The following MS4A1 variants were observed in gnomAD, a reference collection of about 807,000 sequenced individuals.
The protein encoded by MS4A1 is membrane spanning 4-domains A1.
A neutral mutation model predicts 26.5 loss-of-function variants in MS4A1; 16 were observed. The observed-to-expected ratio is 0.60, with a 90% CI of 0.41 to 0.92. MS4A1 has a LOEUF of 0.92. Among genes scored for constraint, MS4A1 ranks in the 40% least tolerant of loss-of-function variants. The pLI, the probability that MS4A1 is intolerant of heterozygous loss-of-function variation, is 0.00. For synonymous variants in MS4A1, 128 were observed against 117.6 expected (o/e 1.09, Z -0.57); for missense variants, 350 against 353.0 (o/e 0.99, Z 0.07).
rs1050286374 is a variant in MS4A1 at position 60,460,132 on chromosome 11, G to T, written c.-279-940G>T. On this transcript the variant is annotated intron_variant, in intron 1 of 7. Transcript: ENST00000345732. ...ATGGTGGTGGTTGCCCGTGGTCCCAGCTACTCCAGTGGCTGAGGCAGAAGG... is the reference window on the plus strand; with the variant it reads ...ATGGTGGTGGTTGCCCGTGGTCCCATCTACTCCAGTGGCTGAGGCAGAAGG... Among the ~76,000 whole-genome samples, 3 of 152,088 alleles carry T rather than the reference G, an allele frequency of 2.0e-5. No homozygotes were observed. In the East Asian group the frequency reaches 5.8e-4, roughly 29 times the overall value.
chr11:60,465,676 C>G (rs1002666729), intron 5 of MS4A1: 6 of 502,996 alleles, frequency 1.2e-5, no homozygotes, highest in African/African-American at 1.2e-4. Context: ...AAGGGTTACT[C>G]TTAGAATTTT....
chr11:60,464,029 T>TA (rs1479493288), intron 4 of MS4A1: 1 of 547,920 alleles, frequency 1.8e-6, no homozygotes, highest in Non-Finnish European at 3.3e-6. Flanking sequence ...TCTTTGGTCT[T>TA]ACTATATTCC....
In MS4A1 at chr11:60,468,867, T is replaced by C. The variant is rs201303899; in HGVS notation, c.*399T>C. On this transcript the variant is annotated 3_prime_UTR_variant, in exon 8 of 8. Coordinates refer to ENST00000345732, the MANE Select transcript of MS4A1 (RefSeq NM_152866.3). ...TTCATGACATTCCTAAACTATCTTT[T>C]TTTTATTCCACATCTACGTTTTTGG... 1.1e-4 allele frequency: 21 copies of C among 188,064 alleles called. No homozygotes were observed. Among genetic ancestry groups the C allele is most frequent in the Middle Eastern group, 2.6e-3 (1 of 380 alleles). 11.6% of individuals were successfully genotyped at this position (188,064 alleles called of 1,614,324 possible).
At chr11:60,463,639 G>T (rs1191666209) in intron 4 of MS4A1, 2 of 367,184 alleles carry the variant, frequency 5.4e-6, no homozygotes, top group African/African-American at 4.2e-5. Flanking sequence ...GTGGCACATA[G>T]GACAGTGATG....
Position 60,468,919 on chromosome 11 carries a change from A to G in MS4A1, c.*451A>G, listed in dbSNP as rs141211968. 5.6e-6 allele frequency: 1 copy of G among 178,562 alleles called. No individual in the cohort carries two copies. Among genetic ancestry groups the G allele is most frequent in the East Asian group, 1.5e-4 (1 of 6,876 alleles). 11.1% of individuals were successfully genotyped at this position (178,562 alleles called of 1,614,324 possible). A position where few individuals can be genotyped will look rare whatever the true frequency, so the allele number is the denominator to read the frequency against. ...GGAGTCCCTTTTGCATCATTGTTTTAAGGATGATAAAAAAAAATAACAACT... is the reference window on the plus strand; with the variant it reads ...GGAGTCCCTTTTGCATCATTGTTTTGAGGATGATAAAAAAAAATAACAACT... On this transcript the variant is annotated 3_prime_UTR_variant, in exon 8 of 8. Transcript: ENST00000345732.
At chr11:60,461,354 C>T (rs570773705) in intron 2 of MS4A1, among the ~76,000 whole-genome samples, 194 bp downstream of exon 2, 9 of 151,470 alleles carry the variant, frequency 5.9e-5, no homozygotes, top group South Asian at 2.1e-4. Context: ...TAGCAGCCCA[C>T]GAGATAAGAA....
At position 60,462,448 on chromosome 11, in the gene MS4A1, C is replaced by A; in HGVS notation, c.74C>A (p.Ser25Tyr). 3 of 1,614,210 alleles carry A rather than the reference C, an allele frequency of 1.9e-6. No individual in the cohort carries two copies. The highest frequency in any genetic ancestry group is 1.7e-6 in the Non-Finnish European group (2 of 1,180,040). The part of the protein sequence containing the change: ...EPMKGPIAMQ[S>Y]GPKPLFRRMS... ...ATGAAAGGCCCTATTGCTATGCAAT[C>A]TGGTCCAAAACCACTCTTCAGGAGG... The change falls in exon 3 of 8, where the codon TCT becomes TAT. Residue 25 changes from serine to tyrosine, a missense_variant. By Grantham distance (144) the Ser-to-Tyr change is moderately radical (BLOSUM62 -2). Transcript: ENST00000345732.
At chr11:60,461,692 G>GT (rs1433595514) in intron 2 of MS4A1, among the ~76,000 whole-genome samples, 1 of 151,616 alleles carries the variant, frequency 6.6e-6, no homozygotes, top group Non-Finnish European at 1.5e-5. Flanking sequence ...GCTAATTTTT[G>GT]TATTTGTAGT....
chr11:60,460,827 C>T (rs899897739), intron 1 of MS4A1, among the ~76,000 whole-genome samples: 2 of 151,702 alleles, frequency 1.3e-5, no homozygotes, highest in East Asian at 3.9e-4. Context: ...TGATAAATAG[C>T]ATTTACTACA....
intron 1 of MS4A1, chr11:60,458,101 A>T (rs571672682): frequency 6.6e-6 from 1 of 152,246 alleles, no homozygotes; most frequent in Non-Finnish European, 1.5e-5. Flanking sequence ...TGTCTGCTAC[A>T]TATTGCCAGA....
Position 60,470,645 on chromosome 11 carries a change from A to C in MS4A1, c.*2177A>C, listed in dbSNP as rs1009042556. On this transcript the variant is annotated 3_prime_UTR_variant, in exon 8 of 8. Transcript: ENST00000345732. ...TGACCAATAGTAAACATGCTTTGCC[A>C]AGAAGTAGAAGATATATTCTCTAGC... 1.3e-5 allele frequency: 2 copies of C among 152,146 alleles called. No individual in the cohort carries two copies. The highest frequency in any genetic ancestry group is 1.5e-5 in the Non-Finnish European group (1 of 67,884). The allele number at this position is 152,146 out of a possible 1,614,324, so 9.4% of individuals were successfully genotyped here.
rs987161048 is a variant in MS4A1, at chr11:60,463,067, G to T, written c.225G>T (p.Gly75=). 3 of 1,614,044 alleles carry T rather than the reference G, an allele frequency of 1.9e-6. No homozygotes were observed. Among genetic ancestry groups the T allele is most frequent in the East Asian group, 2.2e-5 (1 of 44,886 alleles). Reference sequence around the variant, plus strand: ...GGGGTCTTCTGATGATCCCAGCAGGGATCTATGCACCCATCTGTGTGACTG... The same window carrying T: ...GGGGTCTTCTGATGATCCCAGCAGGTATCTATGCACCCATCTGTGTGACTG... ...ALGGLLMIPA[G]IYAPICVTVW... is the part of the protein sequence containing the mutation. Residue 75 remains glycine, a synonymous_variant, in exon 4 of 8, where the codon GGG becomes GGT. Transcript: ENST00000345732.
At chr11:60,463,658 C>T in intron 4 of MS4A1, 1 of 373,096 alleles carries the variant, frequency 2.7e-6, no homozygotes, top group South Asian at 2.0e-5. Context: ...TGTTTATTTC[C>T]CCGTGATACT....
chr11:60,466,328 A>C (rs1285835541), intron 6 of MS4A1, among the ~76,000 whole-genome samples, 171 bp downstream of exon 6: 1 of 152,202 alleles, frequency 6.6e-6, no homozygotes, highest in East Asian at 1.9e-4. Context: ...TCAACTGTAA[A>C]ATGGGGATGG....
chr11:60,463,461 G>A (rs2086265565), intron 4 of MS4A1, among the ~76,000 whole-genome samples: 1 of 152,156 alleles, frequency 6.6e-6, no homozygotes, highest in Non-Finnish European at 1.5e-5. Context: ...GAGGCAGCAG[G>A]AACATCCACT....
Position 60,462,179 on chromosome 11 carries a change from T to C in MS4A1, c.-190-6T>C. ...TCCTAAACAACCCCTCCATCTCCTT[T>C]CTCAGAACTCAGCAGTAGGCCTTGC... On this transcript the variant is annotated splice_region_variant and splice_polypyrimidine_tract_variant and intron_variant, in intron 2 of 7. Transcript: ENST00000345732. 1 of 689,796 alleles carries C rather than the reference T, an allele frequency of 1.4e-6. No homozygotes were observed. 42.7% of individuals were successfully genotyped at this position (689,796 alleles called of 1,614,324 possible). A position where few individuals can be genotyped will look rare whatever the true frequency, so the allele number is the denominator to read the frequency against.
intron 1 of MS4A1, among the ~76,000 whole-genome samples, chr11:60,459,715 G>C (rs1356818250): frequency 6.6e-6 from 1 of 152,168 alleles, no homozygotes. Context: ...GTGGCATCTG[G>C]CTATCTAGGG....
At chr11:60,464,218 A>C in intron 4 of MS4A1, 70 bp from the exon 5 acceptor site, 2 of 1,100,002 alleles carry the variant, frequency 1.8e-6, no homozygotes, top group Non-Finnish European at 2.8e-6. Context: ...TTAAAAAGTG[A>C]TCTCCCTCTC....
At chr11:60,457,031 A>C (rs971183618) in intron 1 of MS4A1, among the ~76,000 whole-genome samples, 2 of 152,144 alleles carry the variant, frequency 1.3e-5, no homozygotes, top group Non-Finnish European at 2.9e-5. Context: ...TTCCCTATGC[A>C]AGTCTAGTAG....
Sources: allele counts gnomAD v4.1 joint callset (sites outside exome capture counted in the v4.1 genomes callset), GRCh38; gene constraint gnomAD v4.1.1; transcripts MANE v1.5; gene names NCBI Gene and HGNC (gene_info 2026-07-23, HGNC 2026-07-21).